The following GOLGA1 variants were observed in gnomAD, a reference collection of about 807,000 sequenced individuals.
GOLGA1 encodes golgin subfamily A member 1.
A neutral mutation model predicts 119.7 loss-of-function variants in GOLGA1; 63 were observed. The observed-to-expected ratio is 0.53, with a 90% CI of 0.43 to 0.65. The LOEUF is 0.65. Ranked by LOEUF, GOLGA1 falls within the 30% of genes least tolerant of loss-of-function variation. The probability of loss-of-function intolerance (pLI) is 0.00; values close to 1 mark genes in which losing one functional copy is unlikely to be tolerated. For missense variants in GOLGA1, 798 were observed against 912.8 expected (o/e 0.87, Z 1.62); for synonymous variants, 318 against 333.4 (o/e 0.95, Z 0.50).
chr9:124,904,941 C>T (rs1175930757), intron 12 of GOLGA1, among the ~76,000 whole-genome samples: 5 of 17,728 alleles, frequency 2.8e-4, no homozygotes, highest in Non-Finnish European at 7.4e-4. Flanking sequence ...CAGACTCTGT[C>T]TCAAAAAAAA....
chr9:124,944,466 AT>A (rs71374207), upstream of GOLGA1: 75 of 84,724 alleles, frequency 8.9e-4, no homozygotes, highest in East Asian at 1.8e-3. Context: ...TGCCTGGCTA[AT>A]TTTTTTTTTT....
intron 15 of GOLGA1, among the ~76,000 whole-genome samples, chr9:124,893,424 GTTTCT>G (rs752984870): frequency 3.1e-4 from 47 of 152,232 alleles, no homozygotes; most frequent in Non-Finnish European, 6.5e-4. Context: ...TTGTGAGTCT[GTTTCT>G]TTTGTGTTGT....
chr9:124,937,190 AC>A (rs1830890486), intron 3 of GOLGA1, among the ~76,000 whole-genome samples: 1 of 152,166 alleles, frequency 6.6e-6, no homozygotes, highest in South Asian at 2.1e-4. Context: ...GTGGTGGCTC[AC>A]CCCTGTAATC....
intron 10 of GOLGA1, among the ~76,000 whole-genome samples, chr9:124,917,846 G>GAT (rs1490310197): frequency 4.7e-5 from 7 of 150,498 alleles, no homozygotes; most frequent in East Asian, 1.9e-4. Context: ...GATCTGATCT[G>GAT]ATATATATAT....
rs1829548698 is a variant in GOLGA1 at position 124,880,466 on chromosome 9, G to A, written c.*64C>T. 1.1e-6 allele frequency: 1 copy of A among 871,826 alleles called. No individual in the cohort carries two copies. 54.0% of individuals were successfully genotyped at this position (871,826 alleles called of 1,614,324 possible). On this transcript the variant is annotated 3_prime_UTR_variant, in exon 23 of 23. Transcript: ENST00000373555. ...TGATTAAAAACCCACCCAGACTGGT[G>A]TGTCAGTGTTCTTTTCACAGAAAAA...
chr9:124,916,877 C>CACACAAAA (rs1359322100), intron 10 of GOLGA1, among the ~76,000 whole-genome samples: 2 of 41,224 alleles, frequency 4.9e-5, no homozygotes, highest in Non-Finnish European at 8.3e-5. Context: ...CCCTGACACA[C>CACACAAAA]AAAAAAAAAA....
chr9:124,881,342 T>C lies in GOLGA1; in HGVS notation c.2137-85A>G. The C allele has an allele frequency of 1.2e-6, 1 of 800,072 alleles. No homozygotes were observed. Among genetic ancestry groups the C allele is most frequent in the Non-Finnish European group, 2.3e-6 (1 of 440,570 alleles). 49.6% of individuals were successfully genotyped at this position (800,072 alleles called of 1,614,324 possible). ...GGGGGAGCTACGTGGCATTTCCTGC[T>C]TGCTTTGGTTAGCAGGACCAGGTGG... On this transcript the variant is annotated intron_variant, in intron 21 of 22. Transcript: ENST00000373555. The surrounding 1 kb of genome is among the most constrained non-coding windows in gnomAD (Gnocchi z 4.9).
chr9:124,892,120 A>G (rs949934250), intron 15 of GOLGA1, among the ~76,000 whole-genome samples: 2 of 152,154 alleles, frequency 1.3e-5, no homozygotes, highest in African/African-American at 4.8e-5. Context: ...ATGCCCAGCT[A>G]ATTTTTGTAT....
chr9:124,898,786 C>A, intron 14 of GOLGA1, 142 bp from the exon 15 acceptor site: 1 of 595,062 alleles, frequency 1.7e-6, no homozygotes, highest in South Asian at 2.2e-5. Context: ...GGGGACTGGT[C>A]AGAAAGTAGG....
chr9:124,888,518 C>T lies in GOLGA1; in HGVS notation c.1762-122G>A. 1.2e-6 allele frequency: 1 copy of T among 807,752 alleles called. No homozygotes were observed. The highest frequency in any genetic ancestry group is 1.6e-5 in the South Asian group (1 of 61,644). The allele number at this position is 807,752 out of a possible 1,614,324, so 50.0% of individuals were successfully genotyped here. A position where few individuals can be genotyped will look rare whatever the true frequency, so the allele number is the denominator to read the frequency against. ...ATGGGCGTTGTGCTCCAACAGGCAA[C>T]TGGCCAGGAAGCAATTCCTGGAGAA... is the stretch of plus-strand genomic sequence containing the variant. On this transcript the variant is annotated intron_variant, in intron 18 of 22. Coordinates refer to ENST00000373555, the MANE Select transcript of GOLGA1 (RefSeq NM_002077.4). This position sits in a 1 kb window ranked among gnomAD's most constrained non-coding sequence, Gnocchi z 4.4.
intron 4 of GOLGA1, 42 bp downstream of exon 4, chr9:124,931,274 C>G: frequency 1.1e-6 from 1 of 902,688 alleles, no homozygotes; most frequent in Non-Finnish European, 1.9e-6. Flanking sequence ...TCAAGCAAGG[C>G]AAGTTTCCTG....
At chr9:124,906,052 G>T (rs10986481) in intron 12 of GOLGA1, among the ~76,000 whole-genome samples, 2 of 152,070 alleles carry the variant, frequency 1.3e-5, no homozygotes, top group East Asian at 3.9e-4. Flanking sequence ...GGCGGAGGTT[G>T]CAGGGAGCCG....
rs530926320 is a variant in GOLGA1, at chr9:124,937,942, G to A, written c.135+635C>T. The stretch of plus-strand genomic sequence containing the variant: ...TACTAAAATACAAAAAATTAGCCAG[G>A]CATGGTGGAACACACCTGTAGTCCC... On this transcript the variant is annotated intron_variant, in intron 3 of 22. Transcript: ENST00000373555. Among the ~76,000 whole-genome samples, 7 of 151,934 alleles carry A rather than the reference G, an allele frequency of 4.6e-5. No homozygotes were observed. The South Asian group carries it at 1.2e-3, about 27-fold the overall frequency.
chr9:124,908,716 G>C (rs1335085834), intron 11 of GOLGA1, among the ~76,000 whole-genome samples: 1 of 152,260 alleles, frequency 6.6e-6, no homozygotes, highest in East Asian at 1.9e-4. Context: ...AGTACAGTAA[G>C]TGTCCACAAA....
intron 7 of GOLGA1, among the ~76,000 whole-genome samples, chr9:124,925,684 C>T (rs1830659102): frequency 6.6e-6 from 1 of 152,142 alleles, no homozygotes. Context: ...GTGCCACTCC[C>T]AGCCTGGGCA....
At chr9:124,926,863 C>G in intron 6 of GOLGA1, 122 bp from the exon 7 acceptor site, 1 of 558,578 alleles carries the variant, frequency 1.8e-6, no homozygotes, top group Non-Finnish European at 3.2e-6. Flanking sequence ...AACAAAAAAG[C>G]CAATTAAAAA....
chr9:124,884,303 C>T (rs1267562053), intron 19 of GOLGA1, among the ~76,000 whole-genome samples: 2 of 152,190 alleles, frequency 1.3e-5, no homozygotes, highest in Admixed American at 6.5e-5. Context: ...TGAGCCACCA[C>T]GCCCGGTTTT....
intron 10 of GOLGA1, among the ~76,000 whole-genome samples, chr9:124,912,230 G>C (rs952282420): frequency 1.3e-5 from 2 of 152,152 alleles, no homozygotes; most frequent in African/African-American, 4.8e-5. Context: ...CTCAGACCTA[G>C]TGCAGCAAGA....
chr9:124,936,774 A>G (rs192367128), intron 3 of GOLGA1, among the ~76,000 whole-genome samples: 158 of 152,364 alleles, frequency 1.0e-3, no homozygotes, highest in Non-Finnish European at 1.8e-3. Context: ...AGCAGTAAAA[A>G]TAAATGAACC....
Sources: allele counts gnomAD v4.1 joint callset (sites outside exome capture counted in the v4.1 genomes callset), GRCh38; gene constraint gnomAD v4.1.1; non-coding constraint Gnocchi (gnomAD v3.1); transcripts MANE v1.5; gene names NCBI Gene and HGNC (gene_info 2026-07-23, HGNC 2026-07-21).